Variants in VCPIP1 observed in about 807,000 individuals in gnomAD.
VCPIP1 encodes deubiquitinating protein VCPIP1.
VCPIP1 carries 8 observed loss-of-function variants against 85.0 expected under a neutral mutation model. The ratio of observed to expected loss-of-function variants is 0.09; its 90% CI spans 0.06 to 0.17. The LOEUF (loss-of-function observed/expected upper bound fraction) is 0.17, where lower values mean the gene tolerates loss of function less well. VCPIP1 is among the 10% of genes least tolerant of loss of function. VCPIP1 has a pLI of 1.00. For synonymous variants in VCPIP1, 543 were observed against 544.5 expected (o/e 1.00, Z 0.04); for missense variants, 1,070 against 1,486.3 (o/e 0.72, Z 4.61).
Position 66,666,697 on chromosome 8 carries a change from C to A in VCPIP1, c.262G>T (p.Val88Leu). The A allele has an allele frequency of 1.9e-6, 3 of 1,614,218 alleles. No individual in the cohort carries two copies. Among genetic ancestry groups the A allele is most frequent in the Non-Finnish European group, 1.7e-6 (2 of 1,180,040 alleles). Reference protein sequence around the residue: ...EQQQLLGVEEVTDPDVVLHNL... With the variant: ...EQQQLLGVEELTDPDVVLHNL... ...TGTAGCACTACGTCCGGGTCGGTCA[C>A]CTCCTCAACCCCCAGCAGCTGTTGC... is the stretch of plus-strand genomic sequence containing the variant. The change falls in exon 1 of 3, where the codon GTG becomes TTG. Residue 88 changes from valine (V) to leucine (L), a missense_variant. By Grantham distance (32) the Val-to-Leu change is conservative (BLOSUM62 1). Around this residue, in one of 8 missense-constraint regions of VCPIP1, gnomAD observed 164 missense variants for 158.6 expected, o/e 1.03. Transcript: ENST00000310421. This position sits in a 1 kb window ranked among gnomAD's most constrained non-coding sequence, Gnocchi z 6.3.
intron 2 of VCPIP1, among the ~76,000 whole-genome samples, chr8:66,646,977 A>G (rs2130161720): frequency 6.6e-6 from 1 of 152,228 alleles, no homozygotes; most frequent in African/African-American, 2.4e-5. Flanking sequence ...GTGAGCCAAT[A>G]TCTCACCACT....
intron 2 of VCPIP1, among the ~76,000 whole-genome samples, chr8:66,650,173 T>C (rs981940095): frequency 1.3e-5 from 2 of 152,170 alleles, no homozygotes; most frequent in African/African-American, 4.8e-5. Flanking sequence ...AATTATAGTA[T>C]ATCTGAGATT....
chr8:66,666,706 C>A lies in VCPIP1; in HGVS notation c.253G>T (p.Val85Phe). Residue 85 changes from valine to phenylalanine, a missense_variant, in exon 1 of 3, where the codon GTT becomes TTT. By Grantham distance (50) the Val-to-Phe change is conservative. Transcript: ENST00000310421. This position sits in a 1 kb window ranked among gnomAD's most constrained non-coding sequence, Gnocchi z 6.3. ...QRHEQQQLLG[V>F]EEVTDPDVVL... Reference sequence around the variant, plus strand: ...ACGTCCGGGTCGGTCACCTCCTCAACCCCCAGCAGCTGTTGCTGCTCGTGC... The same window carrying A: ...ACGTCCGGGTCGGTCACCTCCTCAAACCCCAGCAGCTGTTGCTGCTCGTGC... 1 of 1,614,196 alleles carries A rather than the reference C, an allele frequency of 6.2e-7. No homozygotes were observed. Among genetic ancestry groups the A allele is most frequent in the Non-Finnish European group, 8.5e-7 (1 of 1,180,032 alleles).
At chr8:66,659,562 C>T (rs1811135771) in intron 1 of VCPIP1, among the ~76,000 whole-genome samples, 1 of 152,034 alleles carries the variant, frequency 6.6e-6, no homozygotes, top group African/African-American at 2.4e-5. Context: ...AATAGACGAT[C>T]TAATCAATGA....
In VCPIP1 at chr8:66,630,711, T is replaced by C. The variant is rs762338687; in HGVS notation, c.*3790A>G. On this transcript the variant is annotated 3_prime_UTR_variant, in exon 3 of 3. Coordinates refer to ENST00000310421, the MANE Select transcript of VCPIP1 (RefSeq NM_025054.5). Reference sequence around the variant, plus strand: ...TAATGGCATTTTCTCCAATAATTCATAATTTTTACAATTTCTGCTATTTTG... The same window carrying C: ...TAATGGCATTTTCTCCAATAATTCACAATTTTTACAATTTCTGCTATTTTG... 6.6e-6 allele frequency: 1 copy of C among 152,610 alleles called. No individual in the cohort carries two copies. Among genetic ancestry groups the C allele is most frequent in the Non-Finnish European group, 1.5e-5 (1 of 68,000 alleles). 9.5% of individuals were successfully genotyped at this position (152,610 alleles called of 1,614,324 possible).
intron 1 of VCPIP1, among the ~76,000 whole-genome samples, chr8:66,651,889 T>C (rs1811057079): frequency 1.3e-5 from 2 of 152,058 alleles, no homozygotes; most frequent in African/African-American, 4.8e-5. Flanking sequence ...TCTTTAGAAC[T>C]GCATGAGTCA....
At chr8:66,636,236 CAA>C (rs1180259925) in intron 2 of VCPIP1, among the ~76,000 whole-genome samples, 1,406 of 41,280 alleles carry the variant, frequency 0.034, 1 homozygote, top group African/African-American at 0.047. Flanking sequence ...GACTCCATCT[CAA>C]AAAAAAAAAA....
chr8:66,663,396 C>A (rs1811176567), intron 1 of VCPIP1, among the ~76,000 whole-genome samples: 1 of 152,132 alleles, frequency 6.6e-6, no homozygotes, highest in Non-Finnish European at 1.5e-5. Flanking sequence ...TAAAACCCTT[C>A]CAGTAACTAA....
intron 2 of VCPIP1, among the ~76,000 whole-genome samples, chr8:66,646,665 G>A (rs1810998270): frequency 6.6e-6 from 1 of 151,994 alleles, no homozygotes; most frequent in Non-Finnish European, 1.5e-5. Context: ...GTGTGGTGGT[G>A]TACGCCTGTA....
In VCPIP1 at chr8:66,650,855, C is replaced by T. The variant is rs1406341873; in HGVS notation, c.2797+603G>A. Among the ~76,000 whole-genome samples the T allele has an allele frequency of 1.2e-3, 111 of 92,938 alleles. 1 individual carries two copies. Among genetic ancestry groups the T allele is most frequent in the African/African-American group, 4.6e-3 (101 of 21,838 alleles). The allele number at this position is 92,938 out of a possible 152,430, so 61.0% of individuals were successfully genotyped here. A position where few individuals can be genotyped will look rare whatever the true frequency, so the allele number is the denominator to read the frequency against. On this transcript the variant is annotated intron_variant, in intron 2 of 2. Transcript: ENST00000310421. ...AGTCTGGGGGACAAGAGCAAGACTT[C>T]GTCTCAAAAAAAAAAAAAAAAAAAA...
intron 2 of VCPIP1, among the ~76,000 whole-genome samples, chr8:66,650,791 C>G (rs1012969019): frequency 7.9e-6 from 1 of 126,670 alleles, no homozygotes; most frequent in Non-Finnish European, 1.6e-5. Context: ...AACCCAGAGG[C>G]GGAGGTTGCA....
rs1810857541 is a variant in VCPIP1, at chr8:66,633,894, C to G, written c.*607G>C. 6.6e-6 allele frequency: 1 copy of G among 152,178 alleles called. No homozygotes were observed. The highest frequency in any genetic ancestry group is 2.4e-5 in the African/African-American group (1 of 41,454). 9.4% of individuals were successfully genotyped at this position (152,178 alleles called of 1,614,324 possible). ...CCTCATCAATCTAGAAGAAATTTTTCCCCAATCTTGCACAAATCAGCAAAA... is the reference window on the plus strand; with the variant it reads ...CCTCATCAATCTAGAAGAAATTTTTGCCCAATCTTGCACAAATCAGCAAAA... On this transcript the variant is annotated 3_prime_UTR_variant, in exon 3 of 3. Coordinates refer to ENST00000310421, the MANE Select transcript of VCPIP1 (RefSeq NM_025054.5).
chr8:66,663,683 G>C (rs1335738207), intron 1 of VCPIP1, among the ~76,000 whole-genome samples: 1 of 152,094 alleles, frequency 6.6e-6, no homozygotes, highest in Non-Finnish European at 1.5e-5. Context: ...GCAAAGACTT[G>C]AGTAGTGAAA....
chr8:66,651,981 T>A (rs1197007143), intron 1 of VCPIP1, among the ~76,000 whole-genome samples: 1 of 151,166 alleles, frequency 6.6e-6, no homozygotes, highest in African/African-American at 2.4e-5. Flanking sequence ...CGATACCAGC[T>A]TTGGCAACAT....
chr8:66,643,358 G>A (rs952240283), intron 2 of VCPIP1, among the ~76,000 whole-genome samples: 4 of 150,040 alleles, frequency 2.7e-5, no homozygotes, highest in Non-Finnish European at 5.9e-5. Context: ...AAAAAGGGAA[G>A]GGAAGGGATG....
At chr8:66,642,644 G>A (rs1810958561) in intron 2 of VCPIP1, among the ~76,000 whole-genome samples, 1 of 152,162 alleles carries the variant, frequency 6.6e-6, no homozygotes, top group African/African-American at 2.4e-5. Context: ...TATTTTGCAT[G>A]CTAATATCTA....
Position 66,629,310 on chromosome 8 carries a change from A to G in VCPIP1, c.*5191T>C, listed in dbSNP as rs1170525269. On this transcript the variant is annotated 3_prime_UTR_variant, in exon 3 of 3. Coordinates refer to ENST00000310421, the MANE Select transcript of VCPIP1 (RefSeq NM_025054.5). Reference sequence around the variant, plus strand: ...AGTCTGGTGTCTAAGGCTATACTCTAAATTATTGAGTTAAATGATCTAATA... The same window carrying G: ...AGTCTGGTGTCTAAGGCTATACTCTGAATTATTGAGTTAAATGATCTAATA... 2 of 152,192 alleles carry G rather than the reference A, an allele frequency of 1.3e-5. No individual in the cohort carries two copies. Among genetic ancestry groups the G allele is most frequent in the Non-Finnish European group, 1.5e-5 (1 of 68,030 alleles). The allele number at this position is 152,192 out of a possible 1,614,324, so 9.4% of individuals were successfully genotyped here.
In VCPIP1 at chr8:66,667,173, G is replaced by A; in HGVS notation, c.-215C>T. 2.9e-6 allele frequency: 3 copies of A among 1,020,126 alleles called. No individual in the cohort carries two copies. Among genetic ancestry groups the A allele is most frequent in the Non-Finnish European group, 4.0e-6 (3 of 743,358 alleles). 63.2% of individuals were successfully genotyped at this position (1,020,126 alleles called of 1,614,324 possible). A position where few individuals can be genotyped will look rare whatever the true frequency, so the allele number is the denominator to read the frequency against. ...CCGTAGCCGTTGCCCCGAACGTAAC[G>A]GCCACCACCCCACCCCGCACTCACA... On this transcript the variant is annotated 5_prime_UTR_variant, in exon 1 of 3. Transcript: ENST00000310421.
In VCPIP1 at chr8:66,664,673, A is replaced by C; in HGVS notation, c.2286T>G (p.Pro762=). ...TTGTCGGTGAATAGGGAGCCTTGGT[A>C]GGTGTAGCAGGTGCAGAGGATGGAC... ...RDGPSSAPAT[P]TKAPYSPTTS... is the part of the protein sequence containing the mutation. Residue 762 remains proline (P), a synonymous_variant, in exon 1 of 3, where the codon CCT becomes CCG. Coordinates refer to ENST00000310421, the MANE Select transcript of VCPIP1 (RefSeq NM_025054.5). 6.2e-7 allele frequency: 1 copy of C among 1,613,384 alleles called. No individual in the cohort carries two copies. The highest frequency in any genetic ancestry group is 1.7e-4 in the Middle Eastern group (1 of 6,054).
Sources: allele counts gnomAD v4.1 joint callset (sites outside exome capture counted in the v4.1 genomes callset), GRCh38; gene constraint gnomAD v4.1.1; regional missense constraint gnomAD v4.1.1; non-coding constraint Gnocchi (gnomAD v3.1); transcripts MANE v1.5; gene names NCBI Gene and HGNC (gene_info 2026-07-23, HGNC 2026-07-21).